The following CDO1 variants were observed in gnomAD, a reference collection of about 807,000 sequenced individuals.
CDO1 encodes the protein cysteine dioxygenase type 1.
A neutral mutation model predicts 24.5 loss-of-function variants in CDO1; 19 were observed. The ratio of observed to expected loss-of-function variants is 0.77; its 90% CI spans 0.54 to 1.14. The LOEUF (loss-of-function observed/expected upper bound fraction) is 1.14, where lower values mean the gene tolerates loss of function less well. Ranked by LOEUF, CDO1 falls within the 50% of genes most tolerant of loss-of-function variation. The pLI is 0.00. For missense variants in CDO1, 244 were observed against 244.8 expected, an observed-to-expected ratio of 1.00 and a Z score of 0.02; for synonymous variants, 91 against 87.0, an observed-to-expected ratio of 1.05 and a Z score of -0.26.
Position 115,811,256 on chromosome 5 carries a change from T to C in CDO1, c.308A>G (p.Lys103Arg). 1.2e-6 allele frequency: 2 copies of C among 1,612,906 alleles called. No homozygotes were observed. Among genetic ancestry groups the C allele is most frequent in the Non-Finnish European group, 8.5e-7 (1 of 1,178,992 alleles). The part of the protein sequence containing the change: ...CFLKMLQGNL[K>R]ETLFAWPDKK... ...GTCAGGCCAGGCAAATAATGTCTCC[T>C]TTAGATTTCCCTGTAGCATCTTCAG... Residue 103 changes from lysine (K) to arginine (R), a missense_variant, in exon 3 of 5, where the codon AAG becomes AGG. Lys to Arg is a conservative substitution (Grantham distance 26). Transcript: ENST00000250535.
At position 115,811,166 on chromosome 5, in the gene CDO1, A is replaced by T; in HGVS notation, c.398T>A (p.Ile133Asn). The change falls in exon 3 of 5, where the codon ATC becomes AAC. Residue 133 changes from isoleucine (I) to asparagine (N), a missense_variant. Physicochemically the swap from Ile to Asn is moderately radical, Grantham distance 149. Coordinates refer to ENST00000250535, the MANE Select transcript of CDO1 (RefSeq NM_001801.3). ...RVLRENQCAY[I>N]NDSIGLHRVE... ...GAAAAAGAATAAGATGTTACCATTG[A>T]TGTAGGCACACTGGTTTTCCCTCAA... The T allele has an allele frequency of 6.2e-7, 1 of 1,613,224 alleles. No homozygotes were observed. The highest frequency in any genetic ancestry group is 1.1e-5 in the South Asian group (1 of 90,982).
chr5:115,807,664 T>C (rs575941515), intron 3 of CDO1, among the ~76,000 whole-genome samples: 1 of 110,606 alleles, frequency 9.0e-6, no homozygotes, highest in African/African-American at 3.5e-5. Context: ...AGACAGAAAA[T>C]AGAAAAGAAA....
intron 3 of CDO1, among the ~76,000 whole-genome samples, chr5:115,810,823 C>T (rs561785834): frequency 1.3e-5 from 2 of 152,272 alleles, no homozygotes; most frequent in African/African-American, 4.8e-5. Context: ...ACATTTTGTT[C>T]TATTTTCTAA....
At chr5:115,812,440 G>T (rs1411510344) in intron 2 of CDO1, among the ~76,000 whole-genome samples, 1 of 152,128 alleles carries the variant, frequency 6.6e-6, no homozygotes, top group Non-Finnish European at 1.5e-5. Flanking sequence ...AGAAACTAAA[G>T]AATTAACTTG....
chr5:115,811,251 T>A lies in CDO1; in HGVS notation c.313A>T (p.Thr105Ser). ...TTTTTGTCAGGCCAGGCAAATAATGTCTCCTTTAGATTTCCCTGTAGCATC... is the reference window on the plus strand; with the variant it reads ...TTTTTGTCAGGCCAGGCAAATAATGACTCCTTTAGATTTCCCTGTAGCATC... Reference protein sequence around the residue: ...LKMLQGNLKETLFAWPDKKSN... With the variant: ...LKMLQGNLKESLFAWPDKKSN... The change falls in exon 3 of 5, where the codon ACA becomes TCA. Residue 105 changes from threonine (T) to serine (S), a missense_variant. Thr to Ser is a moderately conservative substitution (Grantham distance 58). Transcript: ENST00000250535. The A allele has an allele frequency of 6.2e-7, 1 of 1,613,098 alleles. No individual in the cohort carries two copies. The highest frequency in any genetic ancestry group is 1.1e-5 in the South Asian group (1 of 91,060).
In CDO1 at chr5:115,811,330, A is replaced by T; in HGVS notation, c.249-15T>A. The stretch of plus-strand genomic sequence containing the variant: ...CATGAATACTGCTATATGTACACAA[A>T]ATGACAACTGAACTCAGTAGATGGT... On this transcript the variant is annotated splice_polypyrimidine_tract_variant and intron_variant, in intron 2 of 4. Transcript: ENST00000250535. 1 of 1,605,162 alleles carries T rather than the reference A, an allele frequency of 6.2e-7. No homozygotes were observed. Among genetic ancestry groups the T allele is most frequent in the Non-Finnish European group, 8.5e-7 (1 of 1,173,940 alleles).
intron 1 of CDO1, chr5:115,814,451 G>C (rs1184236963): frequency 6.6e-6 from 1 of 152,182 alleles, no homozygotes; most frequent in Non-Finnish European, 1.5e-5. Flanking sequence ...CCCTCCCAAA[G>C]TCAGAGAACA....
intron 3 of CDO1, 92 bp from the exon 4 acceptor site, chr5:115,806,610 A>G (rs916666511): frequency 5.6e-6 from 5 of 887,740 alleles, no homozygotes; most frequent in Admixed American, 2.9e-5. Flanking sequence ...TCATGAATCA[A>G]TTGTGATGCA....
chr5:115,814,973 C>T (rs909518010), intron 1 of CDO1, among the ~76,000 whole-genome samples: 5 of 152,156 alleles, frequency 3.3e-5, no homozygotes, highest in African/African-American at 4.8e-5. Context: ...AAGGGCTCTA[C>T]CATGAACTAA....
chr5:115,813,596 C>T (rs76071928), intron 1 of CDO1, among the ~76,000 whole-genome samples: 4,661 of 149,808 alleles, frequency 0.031, 266 homozygotes, highest in African/African-American at 0.11. Flanking sequence ...AAGTGCATTA[C>T]TGGTTGAGGC....
At chr5:115,808,693 T>A (rs1310427414) in intron 3 of CDO1, among the ~76,000 whole-genome samples, 2 of 151,768 alleles carry the variant, frequency 1.3e-5, no homozygotes, top group Non-Finnish European at 2.9e-5. Flanking sequence ...GGGAGAGAGA[T>A]CTTCAAGAAG....
chr5:115,811,144 A>G lies in CDO1; in HGVS notation c.403+17T>C, dbSNP rs1760169045. The G allele has an allele frequency of 1.2e-6, 2 of 1,606,004 alleles. No homozygotes were observed. Among genetic ancestry groups the G allele is most frequent in the Non-Finnish European group, 1.7e-6 (2 of 1,176,170 alleles). Reference sequence around the variant, plus strand: ...TGGTTCTTCCCACTTGCCCTTAGAAAAAGAATAAGATGTTACCATTGATGT... The same window carrying G: ...TGGTTCTTCCCACTTGCCCTTAGAAGAAGAATAAGATGTTACCATTGATGT... On this transcript the variant is annotated intron_variant, in intron 3 of 4. Transcript: ENST00000250535.
At chr5:115,813,557 G>T (rs1760292302) in intron 1 of CDO1, among the ~76,000 whole-genome samples, 1 of 151,146 alleles carries the variant, frequency 6.6e-6, no homozygotes. Flanking sequence ...CAAACTGATG[G>T]AGTAAGTTTC....
rs1234621340 is a variant in CDO1, at chr5:115,816,485, T to C, written c.-88A>G. On this transcript the variant is annotated 5_prime_UTR_variant, in exon 1 of 5. Coordinates refer to ENST00000250535, the MANE Select transcript of CDO1 (RefSeq NM_001801.3). ...CCAAGGAGCTGGGGGCGAGGGAGCCTAACAGCCCGCTAGACCGCTAAGCAG... is the reference window on the plus strand; with the variant it reads ...CCAAGGAGCTGGGGGCGAGGGAGCCCAACAGCCCGCTAGACCGCTAAGCAG... The C allele has an allele frequency of 1.4e-5, 20 of 1,420,446 alleles. No individual in the cohort carries two copies. The highest frequency in any genetic ancestry group is 1.9e-5 in the Non-Finnish European group (19 of 1,026,546). 88.0% of individuals were successfully genotyped at this position (1,420,446 alleles called of 1,614,324 possible).
intron 1 of CDO1, chr5:115,814,099 A>C (rs896860026): frequency 2.0e-5 from 3 of 151,302 alleles, no homozygotes; most frequent in Admixed American, 6.6e-5. Flanking sequence ...ATTTTTTGGG[A>C]GTTTTTTTTC....
chr5:115,815,530 A>G (rs1760392427), intron 1 of CDO1, among the ~76,000 whole-genome samples: 1 of 152,210 alleles, frequency 6.6e-6, no homozygotes, highest in Non-Finnish European at 1.5e-5. Context: ...ATTTGAATAA[A>G]CCCACAGTCG....
At position 115,816,593 on chromosome 5, in the gene CDO1, C is replaced by A; in HGVS notation, c.-196G>T. On this transcript the variant is annotated 5_prime_UTR_variant, in exon 1 of 5. Coordinates refer to ENST00000250535, the MANE Select transcript of CDO1 (RefSeq NM_001801.3). Reference sequence around the variant, plus strand: ...ACAGCAAGAGACCCACCCCCAGGCCCCTGGCAGCGCAGTGGATCCGGGATC... The same window carrying A: ...ACAGCAAGAGACCCACCCCCAGGCCACTGGCAGCGCAGTGGATCCGGGATC... The A allele has an allele frequency of 1.7e-6, 1 of 603,602 alleles. No individual in the cohort carries two copies. Among genetic ancestry groups the A allele is most frequent in the Non-Finnish European group, 2.9e-6 (1 of 343,244 alleles). The allele number at this position is 603,602 out of a possible 1,614,324, so 37.4% of individuals were successfully genotyped here.
chr5:115,814,874 G>C (rs979505081), intron 1 of CDO1, among the ~76,000 whole-genome samples: 5 of 152,126 alleles, frequency 3.3e-5, no homozygotes, highest in Admixed American at 1.3e-4. Flanking sequence ...GTCTGGAAGA[G>C]TACCTGTCCC....
intron 3 of CDO1, chr5:115,809,487 C>G (rs1183145575): frequency 6.6e-6 from 1 of 152,164 alleles, no homozygotes; most frequent in East Asian, 1.9e-4. Flanking sequence ...AAAGAAAGTC[C>G]TTACTTTTAG....
Sources: allele counts gnomAD v4.1 joint callset (sites outside exome capture counted in the v4.1 genomes callset), GRCh38; gene constraint gnomAD v4.1.1; transcripts MANE v1.5; gene names NCBI Gene and HGNC (gene_info 2026-07-23, HGNC 2026-07-21).